Variants in MYO1B observed in about 807,000 individuals in gnomAD.
MYO1B encodes unconventional myosin-Ib.
In MYO1B, 72 loss-of-function variants were observed where a neutral mutation model predicts 159.7. The observed-to-expected ratio is 0.45, with a 90% CI of 0.37 to 0.55. MYO1B has a LOEUF of 0.55. Among genes scored for constraint, MYO1B ranks in the 20% least tolerant of loss-of-function variants. The pLI, the probability that MYO1B is intolerant of heterozygous loss-of-function variation, is 0.00. For synonymous variants in MYO1B, 468 were observed against 473.8 expected (o/e 0.99, Z 0.16); for missense variants, 1,062 against 1,364.8 (o/e 0.78, Z 3.50).
chr2:191,423,728 G>T (rs1184065078), intron 30 of MYO1B, 109 bp from the exon 31 acceptor site: 8 of 1,217,058 alleles, frequency 6.6e-6, no homozygotes, highest in Non-Finnish European at 8.9e-6. Flanking sequence ...TTAGGGATGC[G>T]CAGCCTGTAC....
chr2:191,392,730 G>A (rs188279759), intron 19 of MYO1B, among the ~76,000 whole-genome samples: 13 of 152,262 alleles, frequency 8.5e-5, no homozygotes, highest in Admixed American at 7.8e-4. Context: ...ATTTTGGAAA[G>A]TATTTAATTC....
intron 4 of MYO1B, 145 bp downstream of exon 4, chr2:191,330,174 CAG>C (rs949008424): frequency 9.4e-5 from 57 of 606,118 alleles, no homozygotes; most frequent in Non-Finnish European, 1.5e-4. Flanking sequence ...GTTAGGAACA[CAG>C]AATGTTCTCT....
At position 191,425,286 on chromosome 2, in the gene MYO1B, C is replaced by T. The variant is rs1698152530; in HGVS notation, c.*1326C>T. ...ATGTTCTCTGTGTAACTGAATTTCA[C>T]TTATCTTTTATAAACCAGAAACATT... On this transcript the variant is annotated 3_prime_UTR_variant, in exon 31 of 31. Coordinates refer to ENST00000392318, the MANE Select transcript of MYO1B (RefSeq NM_001130158.3). 1 of 152,132 alleles carries T rather than the reference C, an allele frequency of 6.6e-6. No homozygotes were observed. Among genetic ancestry groups the T allele is most frequent in the Non-Finnish European group, 1.5e-5 (1 of 68,002 alleles). The allele number at this position is 152,132 out of a possible 1,614,324, so 9.4% of individuals were successfully genotyped here. A position where few individuals can be genotyped will look rare whatever the true frequency, so the allele number is the denominator to read the frequency against.
chr2:191,373,209 G>A (rs1350098457), intron 13 of MYO1B, among the ~76,000 whole-genome samples: 1 of 152,148 alleles, frequency 6.6e-6, no homozygotes, highest in Admixed American at 6.5e-5. Context: ...CTCTATTTCA[G>A]TGGTTCTCAA....
chr2:191,390,894 A>T lies in MYO1B; in HGVS notation c.1982+402A>T, dbSNP rs560525103. Reference sequence around the variant, plus strand: ...AAGGTCCCTCTCTTTGCCTATATCTATACCAGTTAATCAATAGACGATACG... The same window carrying T: ...AAGGTCCCTCTCTTTGCCTATATCTTTACCAGTTAATCAATAGACGATACG... On this transcript the variant is annotated intron_variant, in intron 18 of 30. Transcript: ENST00000392318. Among the ~76,000 whole-genome samples, 6 of 152,354 alleles carry T rather than the reference A, an allele frequency of 3.9e-5. No homozygotes were observed. In the East Asian group the frequency reaches 1.2e-3, roughly 29 times the overall value.
chr2:191,399,301 G>T (rs1054763872), intron 21 of MYO1B, among the ~76,000 whole-genome samples: 8 of 148,366 alleles, frequency 5.4e-5, no homozygotes, highest in Admixed American at 6.7e-5. Flanking sequence ...GAGGGAGAGG[G>T]AGAGGGAGAG....
intron 3 of MYO1B, among the ~76,000 whole-genome samples, chr2:191,302,660 A>G (rs1292800650): frequency 6.6e-6 from 1 of 152,248 alleles, no homozygotes; most frequent in Non-Finnish European, 1.5e-5. Context: ...GTCATAGCCC[A>G]GGAGTGAGCT....
In MYO1B at chr2:191,370,227, GCACAAA is replaced by G. The variant is rs766698270; in HGVS notation, c.1123_1128del (p.Gln375_Thr376del). 3 of 1,611,856 alleles carry G rather than the reference GCACAAA, an allele frequency of 1.9e-6. No homozygotes were observed. Among genetic ancestry groups the G allele is most frequent in the Non-Finnish European group, 1.7e-6 (2 of 1,178,758 alleles). On this transcript the variant is annotated inframe_deletion and splice_region_variant, in exon 13 of 31. Coordinates refer to ENST00000392318, the MANE Select transcript of MYO1B (RefSeq NM_001130158.3). ...CCCTTTAATTTGAAACTTTTTAAAG[GCACAAA>G]CAAAAGTGAGAAAGAAGGTCATGGG...
At chr2:191,369,779 A>C in intron 12 of MYO1B, 151 bp downstream of exon 12, 1 of 660,840 alleles carries the variant, frequency 1.5e-6, no homozygotes, top group Non-Finnish European at 2.5e-6. Flanking sequence ...ATAAGATTGA[A>C]ATTTGTCAGG....
rs912277045 is a variant in MYO1B, at chr2:191,255,962, C to G, written c.-10+10336C>G. 3.3e-5 allele frequency among the ~76,000 whole-genome samples: 5 copies of G among 152,150 alleles called. No homozygotes were observed. In the South Asian group the frequency reaches 1.0e-3, roughly 32 times the overall value. ...TGCCCTTCCTGGGAGGGGTGGTGAGCAGGGCCTTCTATGTTTTTTCCAGTG... is the reference window on the plus strand; with the variant it reads ...TGCCCTTCCTGGGAGGGGTGGTGAGGAGGGCCTTCTATGTTTTTTCCAGTG... On this transcript the variant is annotated intron_variant, in intron 1 of 30. Coordinates refer to ENST00000392318, the MANE Select transcript of MYO1B (RefSeq NM_001130158.3).
intron 1 of MYO1B, among the ~76,000 whole-genome samples, chr2:191,255,848 CG>C (rs1321214741): frequency 6.6e-6 from 1 of 152,122 alleles, no homozygotes; most frequent in African/African-American, 2.4e-5. Context: ...TGGACACGAG[CG>C]TCCTGCTCAG....
At chr2:191,317,762 C>T (rs1690445595) in intron 3 of MYO1B, among the ~76,000 whole-genome samples, 1 of 152,116 alleles carries the variant, frequency 6.6e-6, no homozygotes, top group Non-Finnish European at 1.5e-5. Context: ...AAAATTTTAA[C>T]TAGAGTATAA....
At position 191,369,611 on chromosome 2, in the gene MYO1B, A is replaced by G. The variant is rs888432161; in HGVS notation, c.1102A>G (p.Ile368Val). 3.1e-6 allele frequency: 5 copies of G among 1,613,426 alleles called. No homozygotes were observed. Among genetic ancestry groups the G allele is most frequent in the Non-Finnish European group, 4.2e-6 (5 of 1,179,478 alleles). ...SRLFSWLVNR[I>V]NESIKAQTKV... ...GTTGTTTTCATGGTTGGTAAATCGA[A>G]TCAATGAAAGCATTAAGGTACTGAA... is the stretch of plus-strand genomic sequence containing the variant. The change falls in exon 12 of 31, where the codon ATC becomes GTC. Residue 368 changes from isoleucine to valine, a missense_variant. Ile to Val is a conservative substitution (Grantham distance 29). Transcript: ENST00000392318.
At chr2:191,319,511 T>C (rs1270382377) in intron 3 of MYO1B, among the ~76,000 whole-genome samples, 1 of 152,190 alleles carries the variant, frequency 6.6e-6, no homozygotes, top group Non-Finnish European at 1.5e-5. Context: ...TGATGGAACT[T>C]ACTTGTTTTC....
At chr2:191,397,731 GC>G (rs1418030282) in intron 21 of MYO1B, among the ~76,000 whole-genome samples, 1 of 145,338 alleles carries the variant, frequency 6.9e-6, no homozygotes, top group Non-Finnish European at 1.5e-5. Context: ...CGGGGTCGTG[GC>G]CGGGCAGAGG....
intron 3 of MYO1B, among the ~76,000 whole-genome samples, chr2:191,297,531 C>CCT (rs1689058201): frequency 6.6e-6 from 1 of 152,176 alleles, no homozygotes; most frequent in South Asian, 2.1e-4. Flanking sequence ...GTAGCATCAT[C>CCT]CTCTCTCTCT....
chr2:191,329,861 G>A, intron 3 of MYO1B, 74 bp from the exon 4 acceptor site: 1 of 1,265,916 alleles, frequency 7.9e-7, no homozygotes. Flanking sequence ...CCTTTAAGGA[G>A]CTTGTAGTTC....
chr2:191,393,308 C>A (rs1481998405), intron 20 of MYO1B, 86 bp downstream of exon 20: 6 of 1,434,214 alleles, frequency 4.2e-6, no homozygotes, highest in Non-Finnish European at 5.7e-6. Context: ...GTGATTTTTA[C>A]ATACTTAATT....
intron 1 of MYO1B, among the ~76,000 whole-genome samples, chr2:191,267,456 G>T (rs536297049): frequency 2.0e-5 from 3 of 152,100 alleles, no homozygotes; most frequent in Non-Finnish European, 4.4e-5. Flanking sequence ...TGAGGTGAGG[G>T]GTTTCTCAAT....
Sources: allele counts gnomAD v4.1 joint callset (sites outside exome capture counted in the v4.1 genomes callset), GRCh38; gene constraint gnomAD v4.1.1; transcripts MANE v1.5; gene names NCBI Gene and HGNC (gene_info 2026-07-23, HGNC 2026-07-21).